The following TTLL5 variants were observed in gnomAD, a reference collection of about 807,000 sequenced individuals.
The protein encoded by TTLL5 is tubulin tyrosine ligase like 5, also known as tubulin polyglutamylase TTLL5.
Under a neutral mutation model 168.4 loss-of-function variants are expected in TTLL5, and 132 were observed. That is an observed-to-expected ratio of 0.78 (90% CI 0.68 to 0.91). The LOEUF (loss-of-function observed/expected upper bound fraction) is 0.91, where lower values mean the gene tolerates loss of function less well. Ranked by LOEUF, TTLL5 falls within the 40% of genes least tolerant of loss-of-function variation. The pLI, the probability that TTLL5 is intolerant of heterozygous loss-of-function variation, is 0.00. For synonymous variants in TTLL5, 546 were observed against 558.6 expected, an observed-to-expected ratio of 0.98 and a Z score of 0.32; for missense variants, 1,545 against 1,581.5, an observed-to-expected ratio of 0.98 and a Z score of 0.39.
intron 10 of TTLL5, among the ~76,000 whole-genome samples, 160 bp downstream of exon 10, chr14:75,718,122 C>G (rs1267388127): frequency 6.6e-6 from 1 of 152,194 alleles, no homozygotes; most frequent in Non-Finnish European, 1.5e-5. Context: ...TGAGGCATAT[C>G]TCCTGCTGCT....
chr14:75,734,168 C>T (rs1594943720), intron 14 of TTLL5, 118 bp downstream of exon 14: 2 of 915,512 alleles, frequency 2.2e-6, no homozygotes, highest in South Asian at 1.5e-5. Flanking sequence ...ATGGTTTGTA[C>T]TAAAAAATTA....
At chr14:75,728,795 A>G (rs1475198870) in intron 12 of TTLL5, among the ~76,000 whole-genome samples, 5 of 152,228 alleles carry the variant, frequency 3.3e-5, no homozygotes, top group African/African-American at 1.2e-4. Flanking sequence ...CAAACCTACC[A>G]TTGAATATCT....
chr14:75,915,648 G>T (rs1254825073), intron 31 of TTLL5, among the ~76,000 whole-genome samples: 1 of 152,204 alleles, frequency 6.6e-6, no homozygotes, highest in Non-Finnish European at 1.5e-5. Flanking sequence ...GAAGATGATA[G>T]ATTGCCTCAA....
chr14:75,769,243 C>T (rs1891138802), intron 20 of TTLL5, among the ~76,000 whole-genome samples: 1 of 152,172 alleles, frequency 6.6e-6, no homozygotes, highest in Non-Finnish European at 1.5e-5. Flanking sequence ...TTCCCTAAAG[C>T]TGCTCATTGT....
intron 23 of TTLL5, 64 bp downstream of exon 23, chr14:75,776,914 C>G: frequency 1.6e-6 from 2 of 1,282,212 alleles, no homozygotes; most frequent in Admixed American, 4.0e-5. Flanking sequence ...TCATTGAGTA[C>G]CCAGCATTCC....
chr14:75,934,910 C>T (rs944750609), intron 31 of TTLL5, among the ~76,000 whole-genome samples: 9 of 152,186 alleles, frequency 5.9e-5, no homozygotes, highest in African/African-American at 1.4e-4. Context: ...TAAGAACATC[C>T]GGTGAAGAGT....
chr14:75,895,712 A>C (rs1380619549), intron 30 of TTLL5, among the ~76,000 whole-genome samples: 1 of 152,254 alleles, frequency 6.6e-6, no homozygotes, highest in Non-Finnish European at 1.5e-5. Context: ...TTTATTTAAA[A>C]GACAAGAAGG....
At position 75,764,637 on chromosome 14, in the gene TTLL5, G is replaced by A. The variant is rs1340743939; in HGVS notation, c.1573G>A (p.Glu525Lys). 1.2e-6 allele frequency: 2 copies of A among 1,614,136 alleles called. No individual in the cohort carries two copies. The highest frequency in any genetic ancestry group is 1.1e-5 in the South Asian group (1 of 91,076). Residue 525 changes from glutamate (E) to lysine (K), a missense_variant, in exon 19 of 32, where the codon GAA (glutamate) becomes AAA (lysine). Physicochemically the swap from Glu to Lys is moderately conservative, Grantham distance 56. Transcript: ENST00000298832. The part of the protein sequence containing the change: ...QDRMTADGAP[E>K]LKIESLNSKA... ...TAGAATGACTGCTGATGGAGCGCCA[G>A]AATTGAAGATAGAGAGTCTGAATTC... is the stretch of plus-strand genomic sequence containing the variant.
intron 24 of TTLL5, 124 bp from the exon 25 acceptor site, chr14:75,782,363 G>C: frequency 1.4e-6 from 1 of 692,112 alleles, no homozygotes; most frequent in Non-Finnish European, 2.3e-6. Flanking sequence ...AGTGTGATGA[G>C]ACGTGCCATG....
chr14:75,766,372 T>A lies in TTLL5; in HGVS notation c.2015+4T>A, dbSNP rs1405014113. 6 of 1,600,504 alleles carry A rather than the reference T, an allele frequency of 3.7e-6. No individual in the cohort carries two copies. The Admixed American group carries it at 5.2e-5, about 14-fold the overall frequency. On this transcript the variant is annotated splice_donor_region_variant and intron_variant, in intron 20 of 31. Coordinates refer to ENST00000298832, the MANE Select transcript of TTLL5 (RefSeq NM_015072.5). ...TTCAAGATAATGGCAATCTTAGGTATGTATCTTTTATAATTATATTAGTAA... is the reference window on the plus strand; with the variant it reads ...TTCAAGATAATGGCAATCTTAGGTAAGTATCTTTTATAATTATATTAGTAA...
intron 27 of TTLL5, among the ~76,000 whole-genome samples, chr14:75,798,813 T>C (rs576185265): frequency 6.6e-6 from 1 of 152,312 alleles, no homozygotes; most frequent in Admixed American, 6.5e-5. Flanking sequence ...TTTATTACAT[T>C]GTGGTCTGAG....
rs1044522847 is a variant in TTLL5 at position 75,745,395 on chromosome 14, C to T, written c.1396-95C>T. On this transcript the variant is annotated intron_variant, in intron 16 of 31. Transcript: ENST00000298832. ...TTAATTTCTCCCTTCATGCTACTTT[C>T]ATATTCTTGGGTCATAACTATCTTC... The T allele has an allele frequency of 6.7e-6, 9 of 1,335,432 alleles. No individual in the cohort carries two copies. The African/African-American group carries it at 1.3e-4, about 20-fold the overall frequency. 82.7% of individuals were successfully genotyped at this position (1,335,432 alleles called of 1,614,324 possible).
intron 13 of TTLL5, among the ~76,000 whole-genome samples, chr14:75,733,068 G>A (rs117341850): frequency 0.027 from 4,090 of 152,342 alleles, 91 homozygotes; most frequent in Middle Eastern, 0.11. Context: ...CAGCTGCTGA[G>A]TTTTTAAGGA....
chr14:75,745,194 C>A lies in TTLL5; in HGVS notation c.1381C>A (p.Leu461Met). Residue 461 changes from leucine to methionine, a missense_variant, in exon 16 of 32, where the codon CTG (leucine) becomes ATG (methionine). Transcript: ENST00000298832. ...GAAGTTGGGTGGTTCTGTGCTTGGT[C>A]TGTCAATGGAGGAGGTAAAGATAAG... is the stretch of plus-strand genomic sequence containing the variant. ...PGKLGGSVLG[L>M]SMEEIKVLRR... The A allele has an allele frequency of 6.2e-7, 1 of 1,613,894 alleles. No homozygotes were observed. The highest frequency in any genetic ancestry group is 1.1e-5 in the South Asian group (1 of 91,046).
At chr14:75,771,883 A>T (rs780368436) in intron 21 of TTLL5, 29 bp downstream of exon 21, 351 of 1,555,942 alleles carry the variant, frequency 2.3e-4, no homozygotes, top group Middle Eastern at 3.5e-4. Flanking sequence ...AAACCTTTTT[A>T]CTTTCCCTTT....
chr14:75,861,002 G>A (rs148149275), intron 28 of TTLL5, among the ~76,000 whole-genome samples: 47 of 152,246 alleles, frequency 3.1e-4, no homozygotes, highest in Non-Finnish European at 4.0e-4. Context: ...TTCTCCATAC[G>A]TCTAGAAGTC....
intron 17 of TTLL5, among the ~76,000 whole-genome samples, chr14:75,747,725 G>C (rs1483324000): frequency 6.6e-6 from 1 of 152,114 alleles, no homozygotes; most frequent in Non-Finnish European, 1.5e-5. Context: ...TTTTCATTCT[G>C]TCTGGTGGGA....
intron 27 of TTLL5, among the ~76,000 whole-genome samples, chr14:75,804,261 T>C (rs917308627): frequency 3.9e-5 from 6 of 152,230 alleles, no homozygotes; most frequent in African/African-American, 1.2e-4. Flanking sequence ...TAGAGAAAGA[T>C]AGATGCGGAG....
chr14:75,919,088 C>T (rs1190415291), intron 31 of TTLL5, among the ~76,000 whole-genome samples: 4 of 150,002 alleles, frequency 2.7e-5, no homozygotes, highest in Non-Finnish European at 5.9e-5. Context: ...GTAATCCCAG[C>T]TACTCGGGAG....
Sources: gnomAD v4.1 joint callset for allele counts (sites outside exome capture counted in the v4.1 genomes callset) on GRCh38, gnomAD v4.1.1 for gene constraint, MANE v1.5 for transcripts, NCBI Gene and HGNC (gene_info 2026-07-23, HGNC 2026-07-21) for gene names.